HERC4: variants seen among roughly 807,000 people sequenced by gnomAD.
HERC4 encodes the protein probable E3 ubiquitin-protein ligase HERC4.
A neutral mutation model predicts 124.3 loss-of-function variants in HERC4; 28 were observed. That is an observed-to-expected ratio of 0.23 (90% CI 0.17 to 0.31). The LOEUF is 0.31. HERC4 is among the 10% of genes least tolerant of loss of function. The pLI is 1.00. For missense variants in HERC4, 713 were observed against 1,229.3 expected (o/e 0.58, Z 6.28); for synonymous variants, 407 against 421.5 (o/e 0.97, Z 0.42).
intron 5 of HERC4, among the ~76,000 whole-genome samples, chr10:68,035,590 A>T (rs192891033): frequency 6.6e-6 from 1 of 152,222 alleles, no homozygotes; most frequent in Non-Finnish European, 1.5e-5. Context: ...CCCAAAAAAT[A>T]TATTTCAGTG....
chr10:68,035,675 T>C (rs1000314363), intron 5 of HERC4, among the ~76,000 whole-genome samples: 4 of 152,158 alleles, frequency 2.6e-5, no homozygotes, highest in Non-Finnish European at 4.4e-5. Context: ...ATGTTTCCAA[T>C]CTCTTCTCAT....
chr10:67,956,701 CT>C (rs924757521), intron 17 of HERC4, 176 bp downstream of exon 17: 9 of 391,496 alleles, frequency 2.3e-5, no homozygotes, highest in Admixed American at 4.1e-5. Flanking sequence ...TCACTGCAAC[CT>C]TTTTTTATAA....
chr10:68,068,718 G>C (rs923849893), intron 3 of HERC4: 2 of 152,104 alleles, frequency 1.3e-5, no homozygotes, highest in African/African-American at 4.8e-5. Context: ...ATGGAAACCA[G>C]CTTCCTCAAA....
At chr10:67,970,466 CCTGT>C (rs2035164394) in intron 15 of HERC4, among the ~76,000 whole-genome samples, 1 of 152,120 alleles carries the variant, frequency 6.6e-6, no homozygotes, top group Non-Finnish European at 1.5e-5. Context: ...GTGGCACATG[CCTGT>C]AATCCCAGCA....
intron 7 of HERC4, among the ~76,000 whole-genome samples, chr10:68,027,840 T>C (rs2038982952): frequency 1.3e-5 from 2 of 151,852 alleles, no homozygotes; most frequent in South Asian, 2.1e-4. Context: ...GGAGAATCAC[T>C]TGAATCCAGG....
At chr10:68,055,387 G>C (rs2040499972) in intron 3 of HERC4, among the ~76,000 whole-genome samples, 1 of 152,100 alleles carries the variant, frequency 6.6e-6, no homozygotes, top group African/African-American at 2.4e-5. Context: ...ATGTGTCTTA[G>C]TTGACAGCAA....
At chr10:68,001,267 G>T (rs1177165107) in intron 9 of HERC4, among the ~76,000 whole-genome samples, 1 of 151,868 alleles carries the variant, frequency 6.6e-6, no homozygotes, top group Non-Finnish European at 1.5e-5. Flanking sequence ...AGCTACTTAG[G>T]AGGCTGAGGT....
intron 8 of HERC4, among the ~76,000 whole-genome samples, chr10:68,018,261 G>A (rs1200230034): frequency 2.7e-5 from 4 of 147,522 alleles, no homozygotes; most frequent in Non-Finnish European, 5.9e-5. Flanking sequence ...CATGTTAACA[G>A]ATTAAAGGAA....
chr10:68,053,731 CT>C (rs1274697944), intron 3 of HERC4, among the ~76,000 whole-genome samples: 1 of 152,174 alleles, frequency 6.6e-6, no homozygotes, highest in African/African-American at 2.4e-5. Flanking sequence ...TGAACCTCCC[CT>C]GATAAAGTGC....
chr10:68,007,161 T>C (rs1335105561), intron 9 of HERC4, among the ~76,000 whole-genome samples: 2 of 152,110 alleles, frequency 1.3e-5, no homozygotes, highest in Non-Finnish European at 2.9e-5. Context: ...ATTTCACTCT[T>C]TTTTCTTTTG....
chr10:67,964,496 T>A (rs1386555992), intron 16 of HERC4, among the ~76,000 whole-genome samples: 1 of 152,132 alleles, frequency 6.6e-6, no homozygotes, highest in African/African-American at 2.4e-5. Flanking sequence ...TAAATAACCA[T>A]CATCCTAGTC....
In HERC4 at chr10:67,946,992, A is replaced by AAG. The variant is rs928465682; in HGVS notation, c.2338-5889_2338-5888dup. Among the ~76,000 whole-genome samples the AAG allele has an allele frequency of 7.9e-5, 12 of 151,870 alleles. No individual in the cohort carries two copies. In the South Asian group the frequency reaches 1.5e-3, roughly 18 times the overall value. On this transcript the variant is annotated intron_variant, in intron 19 of 24. Coordinates refer to ENST00000373700, the MANE Select transcript of HERC4 (RefSeq NM_015601.4). The stretch of plus-strand genomic sequence containing the variant: ...TATGAAGCAAATATTATTACCGCTA[A>AAG]AGAGAGAGAGAGAGACCCCAATACA...
intron 3 of HERC4, among the ~76,000 whole-genome samples, chr10:68,059,541 T>C (rs1326296803): frequency 1.9e-5 from 2 of 103,570 alleles, no homozygotes; most frequent in Admixed American, 1.3e-4. Context: ...ATATATCATA[T>C]TATATATCAT....
At chr10:67,959,187 T>C in intron 16 of HERC4, 1 of 1,503,624 alleles carries the variant, frequency 6.7e-7, no homozygotes, top group Non-Finnish European at 9.0e-7. Flanking sequence ...GCAATATTAG[T>C]GTCCAAATTT....
chr10:67,977,799 T>C (rs1424005876), intron 15 of HERC4, among the ~76,000 whole-genome samples: 2 of 151,962 alleles, frequency 1.3e-5, no homozygotes, highest in East Asian at 1.9e-4. Context: ...CTGGCCAACA[T>C]GGAGAAACAC....
chr10:68,023,660 T>A (rs970801038), intron 8 of HERC4, among the ~76,000 whole-genome samples: 8 of 152,198 alleles, frequency 5.3e-5, no homozygotes, highest in Non-Finnish European at 1.2e-4. Context: ...TTAATGTACT[T>A]AATACCATGG....
At chr10:68,054,617 T>C (rs929952462) in intron 3 of HERC4, among the ~76,000 whole-genome samples, 3 of 152,184 alleles carry the variant, frequency 2.0e-5, no homozygotes, top group Non-Finnish European at 4.4e-5. Context: ...GTGTTGGGAT[T>C]ACAGGCATGA....
At chr10:67,934,943 T>A (rs868258963) in intron 22 of HERC4, among the ~76,000 whole-genome samples, 39 of 151,648 alleles carry the variant, frequency 2.6e-4, no homozygotes, top group African/African-American at 8.5e-4. Flanking sequence ...CAGATTTCAT[T>A]CATTCCAATT....
chr10:68,048,722 T>C (rs1318046776), intron 3 of HERC4, among the ~76,000 whole-genome samples: 1 of 152,146 alleles, frequency 6.6e-6, no homozygotes, highest in Non-Finnish European at 1.5e-5. Context: ...CTGCAGAACA[T>C]CCAGAAAGCT....
Sources: gnomAD v4.1 joint callset for allele counts (sites outside exome capture counted in the v4.1 genomes callset) on GRCh38, gnomAD v4.1.1 for gene constraint, MANE v1.5 for transcripts, NCBI Gene and HGNC (gene_info 2026-07-23, HGNC 2026-07-21) for gene names.